The following NLGN1 variants were observed in gnomAD, a reference collection of about 807,000 sequenced individuals.
NLGN1 encodes neuroligin-1.
Under a neutral mutation model 65.5 loss-of-function variants are expected in NLGN1, and 12 were observed. The ratio of observed to expected loss-of-function variants is 0.18; its 90% CI spans 0.12 to 0.30. The LOEUF (loss-of-function observed/expected upper bound fraction) is 0.30, where lower values mean the gene tolerates loss of function less well. Ranked by LOEUF, NLGN1 falls within the 10% of genes least tolerant of loss-of-function variation. The probability of loss-of-function intolerance (pLI) is 1.00; values close to 1 mark genes in which losing one functional copy is unlikely to be tolerated. For synonymous variants in NLGN1, 350 were observed against 359.5 expected, an observed-to-expected ratio of 0.97 and a Z score of 0.30; for missense variants, 750 against 1,007.1, an observed-to-expected ratio of 0.74 and a Z score of 3.46.
intron 3 of NLGN1, among the ~76,000 whole-genome samples, chr3:173,752,493 C>A (rs1238521799): frequency 6.6e-6 from 1 of 152,088 alleles, no homozygotes; most frequent in Non-Finnish European, 1.5e-5. Flanking sequence ...TTCAATCCAA[C>A]CCAGCACTGT....
chr3:173,972,888 T>C (rs1560753492), intron 4 of NLGN1, among the ~76,000 whole-genome samples: 1 of 152,062 alleles, frequency 6.6e-6, no homozygotes, highest in Non-Finnish European at 1.5e-5. Context: ...ACTCTAGGGG[T>C]GGAGCCCAAC....
chr3:173,615,592 A>T (rs1352041318), intron 3 of NLGN1, among the ~76,000 whole-genome samples: 1 of 152,170 alleles, frequency 6.6e-6, no homozygotes, highest in Non-Finnish European at 1.5e-5. Context: ...ACATTTAATT[A>T]AATCTTTAAA....
intron 3 of NLGN1, among the ~76,000 whole-genome samples, chr3:173,626,229 A>G (rs60759480): frequency 0.016 from 2,385 of 152,146 alleles, 72 homozygotes; most frequent in African/African-American, 0.053. Flanking sequence ...ATAGCTACCT[A>G]TGATTAATTG....
At chr3:173,455,440 A>T (rs1478379196) in intron 2 of NLGN1, among the ~76,000 whole-genome samples, 2 of 152,162 alleles carry the variant, frequency 1.3e-5, no homozygotes, top group East Asian at 3.9e-4. Context: ...GTTACATTTC[A>T]ATATGTGATT....
intron 1 of NLGN1, among the ~76,000 whole-genome samples, chr3:173,403,116 A>G (rs1718002835): frequency 6.6e-6 from 1 of 152,150 alleles, no homozygotes; most frequent in African/African-American, 2.4e-5. Context: ...TAAATGGTGT[A>G]TATGTCTGGC....
At chr3:173,517,651 A>G (rs918085423) in intron 2 of NLGN1, among the ~76,000 whole-genome samples, 1 of 152,078 alleles carries the variant, frequency 6.6e-6, no homozygotes, top group African/African-American at 2.4e-5. Context: ...TATACAGTCT[A>G]TGTATTCTCA....
chr3:173,834,593 A>T (rs1041667969), intron 4 of NLGN1, among the ~76,000 whole-genome samples: 1 of 152,186 alleles, frequency 6.6e-6, no homozygotes, highest in African/African-American at 2.4e-5. Context: ...AACAATGCTT[A>T]CCACTTAGGG....
At chr3:173,786,862 A>T (rs937529048) in intron 3 of NLGN1, among the ~76,000 whole-genome samples, 3 of 152,098 alleles carry the variant, frequency 2.0e-5, no homozygotes, top group African/African-American at 7.2e-5. Context: ...GGATCACCTG[A>T]GATCTGGAGT....
At chr3:173,611,058 G>A (rs565942199) in intron 3 of NLGN1, among the ~76,000 whole-genome samples, 2 of 152,080 alleles carry the variant, frequency 1.3e-5, no homozygotes, top group African/African-American at 4.8e-5. Flanking sequence ...AAGGAACGTG[G>A]GTAGAAAAAT....
At chr3:173,461,436 G>A (rs889931658) in intron 2 of NLGN1, among the ~76,000 whole-genome samples, 1 of 151,862 alleles carries the variant, frequency 6.6e-6, no homozygotes, top group Non-Finnish European at 1.5e-5. Context: ...TTCTCAAATG[G>A]GGGAAAGATT....
chr3:174,036,499 G>C (rs151270681), intron 4 of NLGN1, among the ~76,000 whole-genome samples: 3 of 151,408 alleles, frequency 2.0e-5, no homozygotes, highest in Non-Finnish European at 4.4e-5. Flanking sequence ...TGGAGGCCAC[G>C]AACTCCTTGG....
chr3:173,892,289 C>T (rs1735494989), intron 4 of NLGN1, among the ~76,000 whole-genome samples: 1 of 151,572 alleles, frequency 6.6e-6, no homozygotes, highest in South Asian at 2.1e-4. Flanking sequence ...GTCATATCCT[C>T]CAATAGATCC....
intron 4 of NLGN1, among the ~76,000 whole-genome samples, chr3:174,201,370 G>A (rs1319407452): frequency 2.2e-5 from 3 of 136,654 alleles, no homozygotes; most frequent in African/African-American, 8.8e-5. Flanking sequence ...AAGGAAGGAA[G>A]GAAGGAAAGA....
chr3:173,881,374 G>A (rs1443953085), intron 4 of NLGN1, among the ~76,000 whole-genome samples: 1 of 142,690 alleles, frequency 7.0e-6, no homozygotes, highest in Non-Finnish European at 1.5e-5. Context: ...TGGGATTACA[G>A]GCCTGAGCCA....
chr3:173,807,230 C>T (rs1716858866), intron 3 of NLGN1, among the ~76,000 whole-genome samples: 1 of 152,084 alleles, frequency 6.6e-6, no homozygotes, highest in Admixed American at 6.6e-5. Context: ...CAAAGTTTTA[C>T]AGTACATAAG....
At chr3:173,660,277 T>G (rs1760741868) in intron 3 of NLGN1, among the ~76,000 whole-genome samples, 1 of 151,870 alleles carries the variant, frequency 6.6e-6, no homozygotes, top group South Asian at 2.1e-4. Context: ...GGAACACTTG[T>G]TTCAGTTATC....
intron 4 of NLGN1, among the ~76,000 whole-genome samples, chr3:174,102,739 G>C (rs757291288): frequency 4.6e-5 from 7 of 152,138 alleles, no homozygotes; most frequent in Admixed American, 2.6e-4. Flanking sequence ...ACAGCCCAGG[G>C]AATTCAAGTT....
At position 173,453,395 on chromosome 3, in the gene NLGN1, T is replaced by A. The variant is rs1345312360; in HGVS notation, c.-321+18317T>A. Among the ~76,000 whole-genome samples the A allele has an allele frequency of 7.3e-5, 11 of 151,478 alleles. No homozygotes were observed. In the East Asian group the frequency reaches 1.2e-3, roughly 16 times the overall value. The stretch of plus-strand genomic sequence containing the variant: ...TTGGGATTGGTAGTTTTTTTTTTTT[T>A]AAATAAAGCAACAATGAAGTTGGTC... On this transcript the variant is annotated intron_variant, in intron 2 of 6. Coordinates refer to ENST00000457714, the Ensembl canonical transcript of NLGN1.
intron 4 of NLGN1, among the ~76,000 whole-genome samples, chr3:174,027,324 A>T (rs1003435174): frequency 9.2e-5 from 14 of 152,100 alleles, no homozygotes; most frequent in Non-Finnish European, 1.3e-4. Flanking sequence ...GTTCTCCAAC[A>T]TTCGAATTTG....
Sources: allele counts gnomAD v4.1 joint callset (sites outside exome capture counted in the v4.1 genomes callset), GRCh38; gene constraint gnomAD v4.1.1; transcripts MANE v1.5; gene names NCBI Gene and HGNC (gene_info 2026-07-23, HGNC 2026-07-21).